The following VPS50 variants were observed in gnomAD, a reference collection of about 807,000 sequenced individuals.
The protein encoded by VPS50 is VPS50 subunit of EARP/GARPII complex, also known as syndetin.
Under a neutral mutation model 139.7 loss-of-function variants are expected in VPS50, and 70 were observed. The observed-to-expected ratio is 0.50, with a 90% CI of 0.41 to 0.61. The LOEUF (loss-of-function observed/expected upper bound fraction) is 0.61. VPS50 is among the 20% of genes least tolerant of loss of function. VPS50 has a pLI of 0.00. For synonymous variants in VPS50, 365 were observed against 376.7 expected, an observed-to-expected ratio of 0.97 and a Z score of 0.36; for missense variants, 921 against 1,133.7, an observed-to-expected ratio of 0.81 and a Z score of 2.69.
intron 21 of VPS50, among the ~76,000 whole-genome samples, chr7:93,330,751 G>C (rs1170519103): frequency 1.1e-4 from 9 of 82,778 alleles, no homozygotes; most frequent in African/African-American, 2.3e-4. Context: ...AACAGAGCGA[G>C]ACCCTGTCTC....
intron 12 of VPS50, among the ~76,000 whole-genome samples, chr7:93,287,567 G>A (rs1430495261): frequency 6.6e-6 from 1 of 151,674 alleles, no homozygotes; most frequent in Non-Finnish European, 1.5e-5. Context: ...ACAATTATTT[G>A]TACAGTCATA....
chr7:93,270,060 T>C (rs1255147576), intron 9 of VPS50, among the ~76,000 whole-genome samples: 3 of 152,102 alleles, frequency 2.0e-5, no homozygotes, highest in African/African-American at 7.2e-5. Context: ...GCATTTATTT[T>C]GTTAGACATC....
intron 19 of VPS50, among the ~76,000 whole-genome samples, chr7:93,309,653 C>T (rs1797209655): frequency 6.6e-6 from 1 of 151,812 alleles, no homozygotes; most frequent in Admixed American, 6.6e-5. Context: ...ACTATTTGAA[C>T]CTTCTATCAA....
chr7:93,293,412 C>T (rs888180560), intron 13 of VPS50, among the ~76,000 whole-genome samples: 4 of 152,092 alleles, frequency 2.6e-5, no homozygotes, highest in African/African-American at 4.8e-5. Context: ...CGTTGGAATA[C>T]TGAGTCAAAG....
At chr7:93,303,588 G>A in intron 17 of VPS50, 38 bp downstream of exon 17, 1 of 922,044 alleles carries the variant, frequency 1.1e-6, no homozygotes, top group Non-Finnish European at 1.7e-6. Context: ...CTGTCTTTTA[G>A]TAATGTATTT....
At chr7:93,314,229 G>A (rs1797355894) in intron 20 of VPS50, among the ~76,000 whole-genome samples, 1 of 152,050 alleles carries the variant, frequency 6.6e-6, no homozygotes, top group Non-Finnish European at 1.5e-5. Context: ...GAAGATGAAG[G>A]AACTAATTAT....
chr7:93,254,910 A>G (rs1795442973), intron 4 of VPS50, among the ~76,000 whole-genome samples: 1 of 152,150 alleles, frequency 6.6e-6, no homozygotes, highest in Non-Finnish European at 1.5e-5. Flanking sequence ...AAACAAAGGA[A>G]GGTATACTTT....
chr7:93,343,853 C>T (rs1383666354), intron 23 of VPS50, among the ~76,000 whole-genome samples: 40 of 152,128 alleles, frequency 2.6e-4, no homozygotes, highest in Admixed American at 4.6e-4. Flanking sequence ...AAGGAACAAC[C>T]GGTACCAGCC....
At chr7:93,294,847 G>A (rs1432249090) in intron 14 of VPS50, among the ~76,000 whole-genome samples, 1 of 152,116 alleles carries the variant, frequency 6.6e-6, no homozygotes. Context: ...ATCTCCACTG[G>A]AAATATTCAT....
chr7:93,306,242 G>A (rs887799709), intron 18 of VPS50, among the ~76,000 whole-genome samples: 34 of 151,934 alleles, frequency 2.2e-4, no homozygotes, highest in Middle Eastern at 3.4e-3. Flanking sequence ...ATTACATGAT[G>A]TTCTTATCAG....
intron 12 of VPS50, among the ~76,000 whole-genome samples, chr7:93,282,203 CA>C (rs1286093079): frequency 7.6e-4 from 86 of 112,652 alleles, no homozygotes; most frequent in Admixed American, 2.0e-3. Context: ...GACTCCGTCT[CA>C]AAAAAAAAAA....
At chr7:93,346,832 G>A (rs62466782) in intron 23 of VPS50, among the ~76,000 whole-genome samples, 1 of 136,688 alleles carries the variant, frequency 7.3e-6, no homozygotes, top group Admixed American at 7.7e-5. Context: ...ATTCAAGATG[G>A]ATTAAAGACT....
At chr7:93,303,896 G>C (rs1209055946) in intron 17 of VPS50, among the ~76,000 whole-genome samples, 1 of 151,596 alleles carries the variant, frequency 6.6e-6, no homozygotes, top group East Asian at 1.9e-4. Context: ...CTATATTTTG[G>C]CATAGTTTAA....
chr7:93,328,304 A>T (rs1327897610), intron 21 of VPS50, among the ~76,000 whole-genome samples: 1 of 152,182 alleles, frequency 6.6e-6, no homozygotes, highest in Non-Finnish European at 1.5e-5. Flanking sequence ...TGGCATATGG[A>T]TTGATCTAAT....
At chr7:93,263,913 TA>T (rs1191824824) in intron 9 of VPS50, among the ~76,000 whole-genome samples, 1 of 151,978 alleles carries the variant, frequency 6.6e-6, no homozygotes, top group Admixed American at 6.6e-5. Context: ...ATAATAAAAA[TA>T]AAAAATAATA....
chr7:93,288,139 T>C (rs1288550371), intron 12 of VPS50, among the ~76,000 whole-genome samples: 1 of 152,076 alleles, frequency 6.6e-6, no homozygotes, highest in Non-Finnish European at 1.5e-5. Flanking sequence ...ACTTATTCAC[T>C]ATCATGAGAA....
At chr7:93,234,258 A>C (rs1461257152) in intron 1 of VPS50, among the ~76,000 whole-genome samples, 1 of 152,164 alleles carries the variant, frequency 6.6e-6, no homozygotes, top group Non-Finnish European at 1.5e-5. Flanking sequence ...TGTAAAACTG[A>C]GGAGAGAAAA....
At chr7:93,323,184 A>G (rs1481688310) in intron 20 of VPS50, 1 of 152,086 alleles carries the variant, frequency 6.6e-6, no homozygotes, top group Non-Finnish European at 1.5e-5. Flanking sequence ...ATTTTCTTAA[A>G]TATATTTTAT....
chr7:93,270,123 T>A (rs1025748745), intron 9 of VPS50, among the ~76,000 whole-genome samples: 1 of 151,982 alleles, frequency 6.6e-6, no homozygotes, highest in Non-Finnish European at 1.5e-5. Context: ...TCTATTGATT[T>A]TTTTTTTTTA....
Sources: gnomAD v4.1 joint callset for allele counts (sites outside exome capture counted in the v4.1 genomes callset) on GRCh38, gnomAD v4.1.1 for gene constraint, MANE v1.5 for transcripts, NCBI Gene and HGNC (gene_info 2026-07-23, HGNC 2026-07-21) for gene names.